CMTM8: variants seen among roughly 807,000 people sequenced by gnomAD.
CMTM8 encodes CKLF-like MARVEL transmembrane domain-containing protein 8.
A neutral mutation model predicts 18.6 loss-of-function variants in CMTM8; 12 were observed. That is an observed-to-expected ratio of 0.65 (90% CI 0.41 to 1.05). The LOEUF is 1.05. Among genes scored for constraint, CMTM8 ranks in the 50% least tolerant of loss-of-function variants. CMTM8 has a pLI of 0.00. For missense variants in CMTM8, 217 were observed against 227.2 expected (o/e 0.95, Z 0.29); for synonymous variants, 87 against 90.6 (o/e 0.96, Z 0.23).
intron 1 of CMTM8, among the ~76,000 whole-genome samples, chr3:32,253,696 G>A (rs1702142903): frequency 2.0e-5 from 3 of 151,898 alleles, no homozygotes; most frequent in South Asian, 4.1e-4. Flanking sequence ...TTTTCACCAT[G>A]CATTTCTCCA....
chr3:32,346,192 G>A (rs568059541), intron 1 of CMTM8, among the ~76,000 whole-genome samples: 13 of 152,098 alleles, frequency 8.5e-5, no homozygotes, highest in Non-Finnish European at 1.9e-4. Flanking sequence ...GAAATCAGCT[G>A]ACATCAGTAG....
intron 1 of CMTM8, among the ~76,000 whole-genome samples, chr3:32,306,479 T>C (rs891628142): frequency 6.6e-6 from 1 of 152,180 alleles, no homozygotes; most frequent in Non-Finnish European, 1.5e-5. Context: ...ATTAGAGCCA[T>C]TGATTAGTCA....
At chr3:32,259,943 G>C (rs1702233839) in intron 1 of CMTM8, 1 of 1,147,520 alleles carries the variant, frequency 8.7e-7, no homozygotes, top group Non-Finnish European at 1.3e-6. Flanking sequence ...CCTGCAGATA[G>C]AGCAGCTCAA....
chr3:32,269,656 T>TTGCA (rs1287092863), intron 1 of CMTM8, among the ~76,000 whole-genome samples: 1 of 152,194 alleles, frequency 6.6e-6, no homozygotes, highest in Non-Finnish European at 1.5e-5. Flanking sequence ...AAGAGTTAGG[T>TTGCA]TGCAGATTTA....
chr3:32,297,995 T>C (rs1199597969), intron 1 of CMTM8, among the ~76,000 whole-genome samples: 8 of 151,648 alleles, frequency 5.3e-5, no homozygotes, highest in Admixed American at 3.9e-4. Flanking sequence ...ACTGGTTTCA[T>C]GGTCATCAGC....
chr3:32,270,342 C>T (rs1459875309), intron 1 of CMTM8, among the ~76,000 whole-genome samples: 2 of 152,172 alleles, frequency 1.3e-5, no homozygotes, highest in African/African-American at 4.8e-5. Context: ...ACTGGAAATA[C>T]CATTTGACCC....
upstream of CMTM8, chr3:32,238,470 G>A (rs1433053327): frequency 6.6e-6 from 1 of 152,408 alleles, no homozygotes; most frequent in African/African-American, 2.4e-5. Context: ...AGGGGGAGCG[G>A]AAGACGGCCA....
chr3:32,362,301 C>T (rs1696951557), intron 2 of CMTM8, among the ~76,000 whole-genome samples: 1 of 151,986 alleles, frequency 6.6e-6, no homozygotes, highest in African/African-American at 2.4e-5. Context: ...TCTTCGTCTC[C>T]CAAAGTGCTG....
chr3:32,295,565 A>C (rs867508185), intron 1 of CMTM8, among the ~76,000 whole-genome samples: 5 of 151,916 alleles, frequency 3.3e-5, no homozygotes, highest in African/African-American at 7.3e-5. Flanking sequence ...AATAGAAGTA[A>C]ATGATTCAGT....
intron 3 of CMTM8, among the ~76,000 whole-genome samples, chr3:32,369,332 G>C (rs9826838): frequency 6.6e-6 from 1 of 152,084 alleles, no homozygotes. Context: ...CAAAATAAAA[G>C]TAGAGCATAT....
intron 1 of CMTM8, among the ~76,000 whole-genome samples, chr3:32,325,465 G>C (rs1286332589): frequency 6.6e-6 from 1 of 152,124 alleles, no homozygotes; most frequent in Non-Finnish European, 1.5e-5. Flanking sequence ...AGACTCAATG[G>C]AACAGAAACG....
At chr3:32,311,437 T>A (rs563604984) in intron 1 of CMTM8, among the ~76,000 whole-genome samples, 1 of 152,324 alleles carries the variant, frequency 6.6e-6, no homozygotes. Flanking sequence ...TTCTGGAGGC[T>A]CTAGGAGAGA....
intron 1 of CMTM8, among the ~76,000 whole-genome samples, chr3:32,341,447 A>G (rs147272853): frequency 2.8e-4 from 43 of 152,344 alleles, no homozygotes; most frequent in African/African-American, 1.0e-3. Context: ...ATTAATCACA[A>G]TAGCAACTAT....
At chr3:32,281,405 G>T (rs893845922) in intron 1 of CMTM8, among the ~76,000 whole-genome samples, 1 of 152,330 alleles carries the variant, frequency 6.6e-6, no homozygotes, top group South Asian at 2.1e-4. Context: ...GTTCTTGGGG[G>T]TAGGGAGGGA....
chr3:32,369,349 C>T (rs377627762), intron 3 of CMTM8, among the ~76,000 whole-genome samples: 34 of 152,086 alleles, frequency 2.2e-4, no homozygotes, highest in South Asian at 1.9e-3. Flanking sequence ...ATATGGATGC[C>T]GGTGACATTA....
At chr3:32,345,112 G>C (rs1374979894) in intron 1 of CMTM8, among the ~76,000 whole-genome samples, 2 of 152,182 alleles carry the variant, frequency 1.3e-5, no homozygotes, top group African/African-American at 4.8e-5. Flanking sequence ...GGGAGGCCGA[G>C]GTGGGCAGAT....
intron 1 of CMTM8, among the ~76,000 whole-genome samples, chr3:32,328,863 C>T (rs1696218614): frequency 6.6e-6 from 1 of 151,864 alleles, no homozygotes; most frequent in South Asian, 2.1e-4. Flanking sequence ...AAAGAAAAGC[C>T]CAAGGCCAGA....
At chr3:32,241,659 A>G (rs1369693350) in intron 1 of CMTM8, among the ~76,000 whole-genome samples, 4 of 152,188 alleles carry the variant, frequency 2.6e-5, no homozygotes, top group Admixed American at 6.5e-5. Context: ...GACTTCGGAT[A>G]CTTTCCACTT....
At chr3:32,255,899 T>C (rs922537900) in intron 1 of CMTM8, among the ~76,000 whole-genome samples, 2 of 152,062 alleles carry the variant, frequency 1.3e-5, no homozygotes, top group African/African-American at 4.8e-5. Flanking sequence ...CTAATTTTTT[T>C]GTATTTTTTG....
Sources: gnomAD v4.1 joint callset for allele counts (sites outside exome capture counted in the v4.1 genomes callset) on GRCh38, gnomAD v4.1.1 for gene constraint, MANE v1.5 for transcripts, NCBI Gene and HGNC (gene_info 2026-07-23, HGNC 2026-07-21) for gene names.